The following HPSE2 variants were observed in gnomAD, a reference collection of about 807,000 sequenced individuals.
HPSE2 encodes inactive heparanase-2.
Under a neutral mutation model 60.5 loss-of-function variants are expected in HPSE2, and 38 were observed. That is an observed-to-expected ratio of 0.63 (90% CI 0.48 to 0.82). HPSE2 has a LOEUF of 0.82. Ranked by LOEUF, HPSE2 falls within the 40% of genes least tolerant of loss-of-function variation. The probability of loss-of-function intolerance (pLI) is 0.00; values close to 1 mark genes in which losing one functional copy is unlikely to be tolerated. For synonymous variants in HPSE2, 295 were observed against 293.2 expected (o/e 1.01, Z -0.06); for missense variants, 713 against 740.4 (o/e 0.96, Z 0.43).
At chr10:98,695,613 A>T (rs532787745) in intron 5 of HPSE2, among the ~76,000 whole-genome samples, 1 of 152,294 alleles carries the variant, frequency 6.6e-6, no homozygotes, top group South Asian at 2.1e-4. Context: ...AGAGAAGTAC[A>T]TCTCCTAACA....
At chr10:99,034,901 G>T (rs1428073632) in intron 3 of HPSE2, among the ~76,000 whole-genome samples, 1 of 152,128 alleles carries the variant, frequency 6.6e-6, no homozygotes, top group Non-Finnish European at 1.5e-5. Flanking sequence ...TAAAAATATG[G>T]TATAAAAGAT....
At chr10:99,252,598 C>A in the HPSE2 span, among the ~76,000 whole-genome samples, 4 of 152,084 alleles carry the variant, frequency 2.6e-5, no homozygotes, top group African/African-American at 9.7e-5. Flanking sequence ...AAATACCGGC[C>A]AGGCGCAGTG....
chr10:98,747,527 T>C (rs1461367505), intron 3 of HPSE2, among the ~76,000 whole-genome samples: 1 of 152,194 alleles, frequency 6.6e-6, no homozygotes, highest in African/African-American at 2.4e-5. Flanking sequence ...TGTGTCAACA[T>C]AAAGAGCAGT....
At chr10:99,088,646 A>G (rs1843409013) in intron 3 of HPSE2, among the ~76,000 whole-genome samples, 1 of 152,158 alleles carries the variant, frequency 6.6e-6, no homozygotes, top group Non-Finnish European at 1.5e-5. Context: ...GCAACTGTGA[A>G]TTGCACTGCT....
intron 3 of HPSE2, among the ~76,000 whole-genome samples, chr10:98,899,942 C>A (rs1953618120): frequency 6.6e-6 from 1 of 151,942 alleles, no homozygotes; most frequent in South Asian, 2.1e-4. Flanking sequence ...CATCACCACG[C>A]CCAGCTAATT....
intron 3 of HPSE2, among the ~76,000 whole-genome samples, chr10:99,063,820 C>CAA (rs2135529709): frequency 6.6e-6 from 1 of 152,284 alleles, no homozygotes; most frequent in Admixed American, 6.5e-5. Context: ...AGGCCGGGCG[C>CAA]AGTGGCTTAC....
intron 3 of HPSE2, among the ~76,000 whole-genome samples, chr10:98,791,836 A>T (rs1950661882): frequency 6.6e-6 from 1 of 152,226 alleles, no homozygotes; most frequent in Non-Finnish European, 1.5e-5. Context: ...TTTCTGATGT[A>T]TAATTCCATA....
chr10:98,877,805 A>G (rs1231329886), intron 3 of HPSE2, among the ~76,000 whole-genome samples: 2 of 151,912 alleles, frequency 1.3e-5, no homozygotes, highest in Non-Finnish European at 2.9e-5. Context: ...GAGGGAGGGT[A>G]CGTTCAGGGC....
chr10:99,267,696 C>A, the HPSE2 span, among the ~76,000 whole-genome samples: 1 of 151,228 alleles, frequency 6.6e-6, no homozygotes, highest in Non-Finnish European at 1.5e-5. Context: ...AAGAGAACAG[C>A]TTGAACCTGG....
At chr10:99,028,933 T>C (rs116140171) in intron 3 of HPSE2, among the ~76,000 whole-genome samples, 1 of 152,296 alleles carries the variant, frequency 6.6e-6, no homozygotes, top group African/African-American at 2.4e-5. Flanking sequence ...AATGTCCATA[T>C]GCAGAAAAAG....
chr10:98,865,234 T>C (rs1952560033), intron 3 of HPSE2, among the ~76,000 whole-genome samples: 1 of 152,120 alleles, frequency 6.6e-6, no homozygotes, highest in South Asian at 2.1e-4. Flanking sequence ...CACAGATTTT[T>C]AAGTTAGAAG....
chr10:98,541,450 G>A (rs534056497), intron 9 of HPSE2, among the ~76,000 whole-genome samples: 1 of 152,324 alleles, frequency 6.6e-6, no homozygotes, highest in South Asian at 2.1e-4. Context: ...TCACTAGGGA[G>A]TGCCAGACAG....
intron 4 of HPSE2, among the ~76,000 whole-genome samples, chr10:98,738,686 G>T (rs1180815378): frequency 1.3e-5 from 2 of 152,180 alleles, no homozygotes; most frequent in African/African-American, 4.8e-5. Flanking sequence ...CTTTTCAAAA[G>T]AAGACATTTA....
intron 6 of HPSE2, among the ~76,000 whole-genome samples, chr10:98,650,443 A>G (rs1425142255): frequency 6.6e-6 from 1 of 152,240 alleles, no homozygotes. Flanking sequence ...AATCTGTTTG[A>G]CCAACAGTTC....
chr10:99,185,117 T>C (rs1258104511), intron 2 of HPSE2, among the ~76,000 whole-genome samples: 2 of 151,474 alleles, frequency 1.3e-5, no homozygotes, highest in Non-Finnish European at 2.9e-5. Context: ...CTGGCCTACA[T>C]GGTGAAGCCC....
chr10:99,089,970 A>C (rs1316105561), intron 3 of HPSE2, among the ~76,000 whole-genome samples: 1 of 152,148 alleles, frequency 6.6e-6, no homozygotes, highest in Non-Finnish European at 1.5e-5. Flanking sequence ...TTTAATTCTC[A>C]GCTTGATTGC....
At chr10:98,794,515 G>A (rs768891760) in intron 3 of HPSE2, among the ~76,000 whole-genome samples, 2 of 152,118 alleles carry the variant, frequency 1.3e-5, no homozygotes, top group Non-Finnish European at 2.9e-5. Context: ...GAAGTGTTGG[G>A]CTTACAGGCA....
At chr10:98,504,789 C>CA (rs60134699) in intron 9 of HPSE2, among the ~76,000 whole-genome samples, 7,974 of 61,448 alleles carry the variant, frequency 0.13, 321 homozygotes, top group Middle Eastern at 0.21. Flanking sequence ...GACTCCGTCT[C>CA]AAAAAAAAAA....
chr10:98,585,074 A>G (rs988413469), intron 9 of HPSE2, among the ~76,000 whole-genome samples: 9 of 152,200 alleles, frequency 5.9e-5, no homozygotes, highest in Non-Finnish European at 1.0e-4. Flanking sequence ...CTACCTACTC[A>G]ATCCCCCCAA....
Sources: gnomAD v4.1 joint callset for allele counts (sites outside exome capture counted in the v4.1 genomes callset) on GRCh38, gnomAD v4.1.1 for gene constraint, MANE v1.5 for transcripts, NCBI Gene and HGNC (gene_info 2026-07-23, HGNC 2026-07-21) for gene names.